RALA: variants seen among roughly 807,000 people sequenced by gnomAD.
RALA encodes the protein RAS like proto-oncogene A, also known as ras-related protein Ral-A.
A neutral mutation model predicts 24.0 loss-of-function variants in RALA; 5 were observed. The observed-to-expected ratio is 0.21, with a 90% CI of 0.11 to 0.44. The LOEUF (loss-of-function observed/expected upper bound fraction) is 0.44, where lower values mean the gene tolerates loss of function less well. RALA is among the 20% of genes least tolerant of loss of function. The pLI, the probability that RALA is intolerant of heterozygous loss-of-function variation, is 0.99. For missense variants in RALA, 95 were observed against 241.2 expected, an observed-to-expected ratio of 0.39 and a Z score of 4.01; for synonymous variants, 77 against 83.8, an observed-to-expected ratio of 0.92 and a Z score of 0.44.
chr7:39,637,044 A>G (rs538654712), intron 1 of RALA, among the ~76,000 whole-genome samples: 1 of 152,252 alleles, frequency 6.6e-6, no homozygotes, highest in Non-Finnish European at 1.5e-5. Context: ...GTTTCAAGCT[A>G]TTAAAAACAT....
intron 1 of RALA, among the ~76,000 whole-genome samples, chr7:39,677,968 G>C (rs1398903470): frequency 2.8e-4 from 41 of 147,102 alleles, no homozygotes; most frequent in African/African-American, 9.6e-4. Flanking sequence ...TGTCAGATGA[G>C]TAGGTTGCGA....
chr7:39,693,236 C>T lies in RALA; in HGVS notation c.323+2646C>T, dbSNP rs1369093518. On this transcript the variant is annotated intron_variant, in intron 3 of 4. Coordinates refer to ENST00000005257, the MANE Select transcript of RALA (RefSeq NM_005402.4). ...ATATACACCATGGAATACTATGCAG[C>T]CATAAAAAAGGATGAGTTCATGTCC... Among the ~76,000 whole-genome samples, 4 of 152,138 alleles carry T rather than the reference C, an allele frequency of 2.6e-5. No individual in the cohort carries two copies. The East Asian group carries it at 7.7e-4, about 29-fold the overall frequency.
chr7:39,637,364 C>T (rs901274486), intron 1 of RALA, among the ~76,000 whole-genome samples: 3 of 152,134 alleles, frequency 2.0e-5, no homozygotes, highest in Admixed American at 6.5e-5. Flanking sequence ...ATAGAGAGGA[C>T]GGCTATTCTT....
chr7:39,640,336 G>T (rs113307603), intron 1 of RALA, among the ~76,000 whole-genome samples: 2 of 152,158 alleles, frequency 1.3e-5, no homozygotes, highest in Non-Finnish European at 2.9e-5. Flanking sequence ...TGTACCCAGC[G>T]TGAAATGGTA....
chr7:39,651,469 C>T (rs548010118), intron 1 of RALA, among the ~76,000 whole-genome samples: 10 of 152,280 alleles, frequency 6.6e-5, no homozygotes, highest in East Asian at 1.9e-4. Flanking sequence ...TGCAAAACTC[C>T]GTGTCATGTG....
At chr7:39,646,561 A>C (rs1791926120) in intron 1 of RALA, among the ~76,000 whole-genome samples, 1 of 152,176 alleles carries the variant, frequency 6.6e-6, no homozygotes, top group East Asian at 1.9e-4. Flanking sequence ...CCCAGAGGTC[A>C]AGGCTCTAGT....
chr7:39,624,037 G>C (rs1156748135), intron 1 of RALA: 1 of 152,100 alleles, frequency 6.6e-6, no homozygotes, highest in African/African-American at 2.4e-5. Context: ...GTGAGCCCCC[G>C]AGAGTGAGCG....
chr7:39,652,176 A>G (rs1427856198), intron 1 of RALA, among the ~76,000 whole-genome samples: 1 of 152,160 alleles, frequency 6.6e-6, no homozygotes. Context: ...GTGAAAGGGC[A>G]AGGTGAAAAG....
At chr7:39,631,486 G>A (rs748732861) in intron 1 of RALA, among the ~76,000 whole-genome samples, 5 of 152,348 alleles carry the variant, frequency 3.3e-5, no homozygotes, top group Non-Finnish European at 7.3e-5. Context: ...AGCCACCCAA[G>A]TAGATGATAG....
intron 1 of RALA, among the ~76,000 whole-genome samples, chr7:39,626,409 A>AG (rs140055414): frequency 1.1e-4 from 17 of 152,308 alleles, no homozygotes; most frequent in Non-Finnish European, 2.1e-4. Flanking sequence ...AGCACTGAGT[A>AG]TTATTGCAGT....
Position 39,686,755 on chromosome 7 carries a change from C to T in RALA, c.88C>T (p.Leu30=). 6.2e-7 allele frequency: 1 copy of T among 1,613,878 alleles called. No individual in the cohort carries two copies. Among genetic ancestry groups the T allele is most frequent in the Non-Finnish European group, 8.5e-7 (1 of 1,179,808 alleles). ...VGSGGVGKSA[L]TLQFMYDEFV... is the part of the protein sequence containing the mutation. ...CAGTGGTGGCGTGGGCAAGTCAGCT[C>T]TGACTCTACAGTTCATGTACGATGA... Residue 30 remains leucine (L), a synonymous_variant, in exon 2 of 5, where the codon CTG becomes TTG. Coordinates refer to ENST00000005257, the MANE Select transcript of RALA (RefSeq NM_005402.4).
intron 1 of RALA, among the ~76,000 whole-genome samples, chr7:39,669,267 G>T (rs1792340201): frequency 1.3e-5 from 2 of 152,094 alleles, no homozygotes; most frequent in South Asian, 4.1e-4. Context: ...CAAGGATCTT[G>T]ACTTGCTCAC....
intron 2 of RALA, among the ~76,000 whole-genome samples, chr7:39,688,106 A>T (rs1334042209): frequency 6.6e-6 from 1 of 152,106 alleles, no homozygotes; most frequent in Non-Finnish European, 1.5e-5. Context: ...CACATACATA[A>T]AACCCTTAAA....
chr7:39,686,672 C>A lies in RALA; in HGVS notation c.5C>A (p.Ala2Asp). 1 of 1,613,478 alleles carries A rather than the reference C, an allele frequency of 6.2e-7. No homozygotes were observed. Among genetic ancestry groups the A allele is most frequent in the Non-Finnish European group, 8.5e-7 (1 of 1,179,452 alleles). The change falls in exon 2 of 5, where the codon GCT becomes GAT. Residue 2 changes from alanine to aspartate, a missense_variant. Ala to Asp is a moderately radical substitution (Grantham distance 126). Coordinates refer to ENST00000005257, the MANE Select transcript of RALA (RefSeq NM_005402.4). ...TGGTGAAAACTGAGACACAAAATGGCTGCAAATAAGCCCAAGGGTCAGAAT... is the reference window on the plus strand; with the variant it reads ...TGGTGAAAACTGAGACACAAAATGGATGCAAATAAGCCCAAGGGTCAGAAT... M[A>D]ANKPKGQNSL...
chr7:39,652,890 C>G (rs1411604632), intron 1 of RALA, among the ~76,000 whole-genome samples: 1 of 151,410 alleles, frequency 6.6e-6, no homozygotes, highest in Admixed American at 6.6e-5. Flanking sequence ...CTCAGCTTCT[C>G]AAGTAGCTGG....
chr7:39,697,304 C>G (rs534391116), intron 4 of RALA: 87 of 451,216 alleles, frequency 1.9e-4, no homozygotes, highest in African/African-American at 1.4e-3. Context: ...AAAATCTCTC[C>G]TGCCACTCTC....
chr7:39,687,886 A>C (rs1480779722), intron 2 of RALA, among the ~76,000 whole-genome samples: 2 of 152,158 alleles, frequency 1.3e-5, no homozygotes, highest in Non-Finnish European at 2.9e-5. Context: ...TAGTCTTTTG[A>C]CTAAAAATAT....
In RALA at chr7:39,666,948, G is replaced by GA. The variant is rs200251315; in HGVS notation, c.-37-19675dup. ...TTAGCCAGCTTGTCCCAATGCTGAAGAAAAAAAACATTTTTGGGGAAAAAA... is the reference window on the plus strand; with the variant it reads ...TTAGCCAGCTTGTCCCAATGCTGAAGAAAAAAAAACATTTTTGGGGAAAAAA... On this transcript the variant is annotated intron_variant, in intron 1 of 4. Coordinates refer to ENST00000005257, the MANE Select transcript of RALA (RefSeq NM_005402.4). 9.5e-4 allele frequency among the ~76,000 whole-genome samples: 144 copies of GA among 151,958 alleles called. 2 individuals are homozygous for GA. The East Asian group carries it at 0.024, about 26-fold the overall frequency.
intron 1 of RALA, among the ~76,000 whole-genome samples, chr7:39,633,080 G>C (rs1791624050): frequency 2.0e-5 from 3 of 152,108 alleles, no homozygotes; most frequent in Admixed American, 2.0e-4. Flanking sequence ...AGCTGTCATA[G>C]GTCTATGAAA....
Sources: allele counts gnomAD v4.1 joint callset (sites outside exome capture counted in the v4.1 genomes callset), GRCh38; gene constraint gnomAD v4.1.1; transcripts MANE v1.5; gene names NCBI Gene and HGNC (gene_info 2026-07-23, HGNC 2026-07-21).